The following SUMF1 variants were observed in gnomAD, a reference collection of about 807,000 sequenced individuals.
SUMF1 encodes sulfatase modifying factor 1.
A neutral mutation model predicts 47.6 loss-of-function variants in SUMF1; 48 were observed. The ratio of observed to expected loss-of-function variants is 1.01; its 90% CI spans 0.80 to 1.28. The LOEUF (loss-of-function observed/expected upper bound fraction) is 1.28. Ranked by LOEUF, SUMF1 falls within the 50% of genes most tolerant of loss-of-function variation. SUMF1 has a pLI of 0.00. For synonymous variants in SUMF1, 230 were observed against 192.1 expected (o/e 1.20, Z -1.63); for missense variants, 571 against 485.4 (o/e 1.18, Z -1.66).
intron 8 of SUMF1, among the ~76,000 whole-genome samples, chr3:4,168,309 C>G (rs2125120998): frequency 6.6e-6 from 1 of 152,260 alleles, no homozygotes; most frequent in East Asian, 1.9e-4. Context: ...TTAATTGTGT[C>G]TCTACCCTGC....
chr3:4,460,552 C>G (rs578145303), intron 1 of SUMF1, among the ~76,000 whole-genome samples: 1 of 151,262 alleles, frequency 6.6e-6, no homozygotes, highest in African/African-American at 2.4e-5. Flanking sequence ...CTCCAGGAGG[C>G]CTTTCCTGCC....
In SUMF1 at chr3:4,164,203, C is replaced by T. The variant is rs58180268; in HGVS notation, c.1015-95458G>A. Among the ~76,000 whole-genome samples, 17 of 152,242 alleles carry T rather than the reference C, an allele frequency of 1.1e-4. No homozygotes were observed. In the East Asian group the frequency reaches 2.1e-3, roughly 19 times the overall value. Reference sequence around the variant, plus strand: ...TACAACTGAGGAGGTGGGAGAAATACCTGGTTACAAGCTGTCCCAGGATTC... The same window carrying T: ...TACAACTGAGGAGGTGGGAGAAATATCTGGTTACAAGCTGTCCCAGGATTC... On this transcript the variant is annotated intron_variant and NMD_transcript_variant, in intron 8 of 12. Coordinates refer to the SUMF1 transcript ENST00000448413.
chr3:4,176,793 CA>C (rs1694974921), intron 8 of SUMF1, among the ~76,000 whole-genome samples: 1 of 152,012 alleles, frequency 6.6e-6, no homozygotes, highest in African/African-American at 2.4e-5. Flanking sequence ...TCAGGAGACC[CA>C]TCTCATATGC....
At chr3:4,258,734 A>T (rs1436597286) in intron 8 of SUMF1, among the ~76,000 whole-genome samples, 1 of 141,610 alleles carries the variant, frequency 7.1e-6, no homozygotes, top group Non-Finnish European at 1.6e-5. Context: ...AACTAGAAAT[A>T]CCATTTGACC....
chr3:4,153,214 C>T (rs1258656832), intron 8 of SUMF1, among the ~76,000 whole-genome samples: 2 of 150,986 alleles, frequency 1.3e-5, no homozygotes, highest in Admixed American at 6.6e-5. Flanking sequence ...TGAGGATTTT[C>T]TTTTTTTTCT....
intron 6 of SUMF1, among the ~76,000 whole-genome samples, chr3:4,416,531 G>A (rs1701718627): frequency 6.6e-6 from 1 of 152,218 alleles, no homozygotes; most frequent in African/African-American, 2.4e-5. Flanking sequence ...CACATATGCT[G>A]GCAAATACGG....
chr3:4,063,556 T>A (rs1404372270), intron 9 of SUMF1, among the ~76,000 whole-genome samples: 1 of 152,072 alleles, frequency 6.6e-6, no homozygotes, highest in Non-Finnish European at 1.5e-5. Context: ...TGAATATGCA[T>A]GATAAAGACC....
chr3:4,387,638 T>C (rs1198175625), intron 7 of SUMF1, among the ~76,000 whole-genome samples: 1 of 152,030 alleles, frequency 6.6e-6, no homozygotes, highest in African/African-American at 2.4e-5. Flanking sequence ...GGGTTTAGTT[T>C]TCTCCTTTTT....
At chr3:4,310,195 A>G (rs1416532431) in intron 8 of SUMF1, among the ~76,000 whole-genome samples, 2 of 152,218 alleles carry the variant, frequency 1.3e-5, no homozygotes, top group Non-Finnish European at 2.9e-5. Context: ...GCACATGACT[A>G]CTCGAAGTTT....
At chr3:4,288,869 C>T (rs1259096568) in intron 8 of SUMF1, among the ~76,000 whole-genome samples, 1 of 152,088 alleles carries the variant, frequency 6.6e-6, no homozygotes, top group African/African-American at 2.4e-5. Context: ...ATTTCTGCCC[C>T]CAAAGGAAGA....
intron 8 of SUMF1, among the ~76,000 whole-genome samples, chr3:4,326,639 T>G (rs1444885219): frequency 6.6e-6 from 1 of 151,518 alleles, no homozygotes; most frequent in Non-Finnish European, 1.5e-5. Context: ...TGCCTCAGCT[T>G]CCTGAGTAGC....
chr3:4,255,089 T>C (rs1696917896), intron 8 of SUMF1, among the ~76,000 whole-genome samples: 1 of 150,580 alleles, frequency 6.6e-6, no homozygotes, highest in African/African-American at 2.4e-5. Flanking sequence ...CCACCAGGCC[T>C]GCCCTAAAAG....
intron 9 of SUMF1, among the ~76,000 whole-genome samples, chr3:4,065,511 G>T (rs1008057384): frequency 2.0e-5 from 3 of 152,142 alleles, no homozygotes; most frequent in Admixed American, 6.5e-5. Flanking sequence ...TTAAGGTTCA[G>T]AGAATCTACT....
chr3:4,140,705 A>G (rs918723296), intron 8 of SUMF1, among the ~76,000 whole-genome samples: 2 of 151,962 alleles, frequency 1.3e-5, no homozygotes, highest in East Asian at 3.8e-4. Flanking sequence ...ATTTCTCCCC[A>G]AAATCCCAAA....
intron 8 of SUMF1, among the ~76,000 whole-genome samples, chr3:4,228,069 G>A (rs1271838): frequency 0.18 from 27,654 of 151,790 alleles, 2,963 homozygotes; most frequent in South Asian, 0.38. Flanking sequence ...GGAACTAAAA[G>A]CAGAAGGGGT....
At chr3:4,242,957 T>C (rs1290208192) in intron 8 of SUMF1, among the ~76,000 whole-genome samples, 1 of 152,182 alleles carries the variant, frequency 6.6e-6, no homozygotes, top group African/African-American at 2.4e-5. Context: ...TCAGAGCCTG[T>C]TATTGGTCTA....
intron 9 of SUMF1, among the ~76,000 whole-genome samples, chr3:4,060,386 T>C (rs913982371): frequency 6.6e-6 from 1 of 152,194 alleles, no homozygotes; most frequent in African/African-American, 2.4e-5. Flanking sequence ...CCTTGTACAA[T>C]TTATATAATC....
At chr3:4,052,019 G>A (rs1352717675) in intron 9 of SUMF1, among the ~76,000 whole-genome samples, 1 of 152,090 alleles carries the variant, frequency 6.6e-6, no homozygotes, top group Non-Finnish European at 1.5e-5. Context: ...ACCTGTACTT[G>A]TTTCCTAAGG....
intron 9 of SUMF1, among the ~76,000 whole-genome samples, chr3:4,036,538 G>C (rs9875397): frequency 1.3e-3 from 197 of 151,852 alleles, no homozygotes; most frequent in African/African-American, 4.6e-3. Context: ...ATAGGCCTGA[G>C]TGAAGGCTGC....
Sources: allele counts gnomAD v4.1 joint callset (sites outside exome capture counted in the v4.1 genomes callset), GRCh38; gene constraint gnomAD v4.1.1; transcripts MANE v1.5; gene names NCBI Gene and HGNC (gene_info 2026-07-23, HGNC 2026-07-21).